Variants in DNAJC3 observed in about 807,000 individuals in gnomAD.
DNAJC3 encodes dnaJ homolog subfamily C member 3.
DNAJC3 carries 38 observed loss-of-function variants against 68.6 expected under a neutral mutation model. That is an observed-to-expected ratio of 0.55 (90% CI 0.43 to 0.73). The LOEUF (loss-of-function observed/expected upper bound fraction) is 0.73, where lower values mean the gene tolerates loss of function less well. Among genes scored for constraint, DNAJC3 ranks in the 30% least tolerant of loss-of-function variants. The pLI is 0.00. For synonymous variants in DNAJC3, 203 were observed against 204.0 expected (o/e 1.00, Z 0.04); for missense variants, 526 against 591.9 (o/e 0.89, Z 1.16).
At chr13:95,727,310 C>T (rs914846531) in intron 4 of DNAJC3, among the ~76,000 whole-genome samples, 4 of 151,998 alleles carry the variant, frequency 2.6e-5, no homozygotes, top group Middle Eastern at 6.8e-3. Flanking sequence ...TAACTGAGAT[C>T]TTGGTACCTT....
intron 9 of DNAJC3, among the ~76,000 whole-genome samples, chr13:95,776,574 T>G (rs1164701606): frequency 6.6e-6 from 1 of 152,238 alleles, no homozygotes; most frequent in East Asian, 1.9e-4. Context: ...TCATTCTGTT[T>G]TGCTGAAATC....
chr13:95,771,784 G>A (rs138835034), intron 9 of DNAJC3, among the ~76,000 whole-genome samples: 2 of 151,850 alleles, frequency 1.3e-5, no homozygotes, highest in African/African-American at 4.8e-5. Flanking sequence ...TTACCAATCA[G>A]TTCCCATCCC....
intron 1 of DNAJC3, chr13:95,693,331 C>G (rs189026521): frequency 2.0e-5 from 3 of 152,154 alleles, no homozygotes; most frequent in Non-Finnish European, 2.9e-5. Context: ...AAACCACAAA[C>G]GTGATATACC....
rs912095329 is a variant in DNAJC3 at position 95,791,907 on chromosome 13, G to C, written c.*877G>C. On this transcript the variant is annotated 3_prime_UTR_variant, in exon 12 of 12. Coordinates refer to ENST00000602402, the MANE Select transcript of DNAJC3 (RefSeq NM_006260.5). ...AATTTCATGTAACAAGACTGGTTTA[G>C]AAACGTAAAGTTGCGCAGTCAACAT... 5 of 152,356 alleles carry C rather than the reference G, an allele frequency of 3.3e-5. No homozygotes were observed. Among genetic ancestry groups the C allele is most frequent in the South Asian group, 4.1e-4 (2 of 4,824 alleles). The allele number at this position is 152,356 out of a possible 1,614,324, so 9.4% of individuals were successfully genotyped here.
At chr13:95,720,226 T>C (rs1164934389) in intron 2 of DNAJC3, among the ~76,000 whole-genome samples, 1 of 152,210 alleles carries the variant, frequency 6.6e-6, no homozygotes, top group Non-Finnish European at 1.5e-5. Context: ...GCCTCAAAGA[T>C]TGAGTAGGAT....
intron 1 of DNAJC3, among the ~76,000 whole-genome samples, chr13:95,697,248 T>C (rs928665662): frequency 2.0e-5 from 3 of 152,254 alleles, no homozygotes; most frequent in Admixed American, 6.5e-5. Flanking sequence ...TTTGCTTGTC[T>C]GTAAAAGACT....
At chr13:95,752,653 G>A (rs1460620843) in intron 4 of DNAJC3, among the ~76,000 whole-genome samples, 2 of 152,162 alleles carry the variant, frequency 1.3e-5, no homozygotes, top group Admixed American at 1.3e-4. Flanking sequence ...TTAACTTACA[G>A]CACTCTCTGT....
At chr13:95,683,889 C>T (rs1335770722) in intron 1 of DNAJC3, among the ~76,000 whole-genome samples, 1 of 141,620 alleles carries the variant, frequency 7.1e-6, no homozygotes, top group African/African-American at 2.7e-5. Context: ...GCCGAGATTG[C>T]ACCACTGCAC....
rs1255895970 is a variant in DNAJC3 at position 95,794,292 on chromosome 13, C to T, written c.*3262C>T. 1.3e-5 allele frequency: 2 copies of T among 152,092 alleles called. No homozygotes were observed. The highest frequency in any genetic ancestry group is 6.5e-5 in the Admixed American group (1 of 15,276). 9.4% of individuals were successfully genotyped at this position (152,092 alleles called of 1,614,324 possible). A position where few individuals can be genotyped will look rare whatever the true frequency, so the allele number is the denominator to read the frequency against. The stretch of plus-strand genomic sequence containing the variant: ...CACAATGGATGATGAAAAATTTCAC[C>T]TTTAAATGGGTCAGAAGTTGTCTTT... On this transcript the variant is annotated 3_prime_UTR_variant, in exon 12 of 12. Coordinates refer to ENST00000602402, the MANE Select transcript of DNAJC3 (RefSeq NM_006260.5).
intron 7 of DNAJC3, among the ~76,000 whole-genome samples, chr13:95,761,833 A>C (rs886528220): frequency 4.0e-5 from 6 of 151,766 alleles, no homozygotes; most frequent in Non-Finnish European, 8.8e-5. Context: ...CAGTCATAGT[A>C]CACTCAAGTG....
At chr13:95,702,254 G>A (rs1191431058) in intron 1 of DNAJC3, among the ~76,000 whole-genome samples, 2 of 152,096 alleles carry the variant, frequency 1.3e-5, no homozygotes, top group Admixed American at 6.6e-5. Context: ...TTCCCAGTCT[G>A]TCTTTTCTCT....
At chr13:95,738,228 G>T (rs1326858941) in intron 4 of DNAJC3, among the ~76,000 whole-genome samples, 1 of 149,984 alleles carries the variant, frequency 6.7e-6, no homozygotes, top group African/African-American at 2.5e-5. Context: ...TTGCTGAGGA[G>T]AGCTTTACTT....
Position 95,760,144 on chromosome 13 carries a change from G to A in DNAJC3, c.651G>A (p.Leu217=). The A allele has an allele frequency of 6.2e-7, 1 of 1,613,088 alleles. No homozygotes were observed. The change falls in exon 6 of 12, where the codon TTG becomes TTA. Residue 217 remains leucine (L), a synonymous_variant. Transcript: ENST00000602402. ...AISDLKAASK[L]KNDNTEAFYK... ...GTGACTTAAAAGCTGCGTCAAAGTT[G>A]AAGAATGATAATACTGAAGCGTTTT...
intron 2 of DNAJC3, among the ~76,000 whole-genome samples, chr13:95,722,351 A>G (rs1003958681): frequency 1.3e-5 from 2 of 152,144 alleles, no homozygotes; most frequent in Admixed American, 6.5e-5. Flanking sequence ...TATACATTCA[A>G]TATATCAATT....
At chr13:95,718,641 T>C (rs1881226534) in intron 2 of DNAJC3, among the ~76,000 whole-genome samples, 1 of 152,222 alleles carries the variant, frequency 6.6e-6, no homozygotes, top group Non-Finnish European at 1.5e-5. Context: ...CCTCAAGTGA[T>C]CCACCCGCCT....
intron 4 of DNAJC3, among the ~76,000 whole-genome samples, chr13:95,755,749 G>A (rs1483391565): frequency 1.0e-5 from 1 of 98,790 alleles, no homozygotes; most frequent in Non-Finnish European, 1.8e-5. Flanking sequence ...AGAGCGAGAC[G>A]CCGTCTCAAA....
At chr13:95,775,081 A>C (rs1450981581) in intron 9 of DNAJC3, among the ~76,000 whole-genome samples, 2 of 151,896 alleles carry the variant, frequency 1.3e-5, no homozygotes, top group African/African-American at 2.4e-5. Flanking sequence ...AGATTATTTG[A>C]ATATTTCTAG....
chr13:95,725,925 T>G (rs544998653), intron 4 of DNAJC3, among the ~76,000 whole-genome samples: 32 of 149,592 alleles, frequency 2.1e-4, no homozygotes, highest in Non-Finnish European at 4.3e-4. Context: ...ACATGCGGTG[T>G]TTGGTTTTTT....
At chr13:95,737,449 C>T (rs995667906) in intron 4 of DNAJC3, among the ~76,000 whole-genome samples, 1 of 151,088 alleles carries the variant, frequency 6.6e-6, no homozygotes, top group African/African-American at 2.4e-5. Context: ...TCCATCTGGT[C>T]CTGGACTCTT....
Sources: gnomAD v4.1 joint callset for allele counts (sites outside exome capture counted in the v4.1 genomes callset) on GRCh38, gnomAD v4.1.1 for gene constraint, MANE v1.5 for transcripts, NCBI Gene and HGNC (gene_info 2026-07-23, HGNC 2026-07-21) for gene names.